The following NPAT variants were observed in gnomAD, a reference collection of about 807,000 sequenced individuals.
NPAT encodes nuclear protein, coactivator of histone transcription, also known as protein NPAT.
A neutral mutation model predicts 130.7 loss-of-function variants in NPAT; 52 were observed. The observed-to-expected ratio is 0.40, with a 90% confidence interval of 0.32 to 0.50. The LOEUF (loss-of-function observed/expected upper bound fraction) is 0.50. Among genes scored for constraint, NPAT ranks in the 20% least tolerant of loss-of-function variants. The probability of loss-of-function intolerance (pLI) is 0.68; values close to 1 mark genes in which losing one functional copy is unlikely to be tolerated. For synonymous variants in NPAT, 580 were observed against 584.8 expected (o/e 0.99, Z 0.12); for missense variants, 1,687 against 1,662.6 (o/e 1.01, Z -0.26).
intron 12 of NPAT, 148 bp from the exon 13 acceptor site, chr11:108,173,999 A>T (rs749882201): frequency 6.8e-6 from 5 of 734,410 alleles, no homozygotes; most frequent in African/African-American, 3.5e-5. Context: ...TTTCCCATTT[A>T]CTGAGTATCA....
intron 1 of NPAT, among the ~76,000 whole-genome samples, chr11:108,203,912 T>C (rs569942330): frequency 3.3e-5 from 5 of 152,346 alleles, no homozygotes; most frequent in African/African-American, 1.2e-4. Flanking sequence ...ATTTGGTCCA[T>C]GTATATTTAA....
chr11:108,175,151 A>G (rs978758892), intron 12 of NPAT, among the ~76,000 whole-genome samples: 3 of 152,224 alleles, frequency 2.0e-5, no homozygotes, highest in Non-Finnish European at 2.9e-5. Flanking sequence ...GGAAGACTAC[A>G]TTCACATAAC....
At chr11:108,199,730 G>A (rs182578525) in intron 1 of NPAT, among the ~76,000 whole-genome samples, 18 of 152,256 alleles carry the variant, frequency 1.2e-4, no homozygotes, top group Admixed American at 3.3e-4. Context: ...CCTTCACAGA[G>A]GTCTAGCCAA....
intron 10 of NPAT, among the ~76,000 whole-genome samples, chr11:108,182,400 T>C (rs1242592743): frequency 2.0e-5 from 3 of 152,224 alleles, no homozygotes; most frequent in Admixed American, 6.5e-5. Context: ...GCCTCAGCTT[T>C]CAGAGGGACT....
In NPAT at chr11:108,158,867, C is replaced by T; in HGVS notation, c.*75G>A. 1 of 855,474 alleles carries T rather than the reference C, an allele frequency of 1.2e-6. No homozygotes were observed. The highest frequency in any genetic ancestry group is 2.0e-6 in the Non-Finnish European group (1 of 502,950). The allele number at this position is 855,474 out of a possible 1,614,324, so 53.0% of individuals were successfully genotyped here. On this transcript the variant is annotated 3_prime_UTR_variant, in exon 18 of 18. Coordinates refer to ENST00000278612, the MANE Select transcript of NPAT (RefSeq NM_002519.3). ...TGCAGGTCATGCTTTCAGATTCTGT[C>T]AATATCCCATTCCCTACACTCAGTT...
chr11:108,160,885 T>C lies in NPAT; in HGVS notation c.4201A>G (p.Ile1401Val). ...NSSIPMKKKK[I>V]KKKKLPSSFP... ...ATTAAAACTTTCAAACTTGCCTTAA[T>C]TTTCTTCTTTTTCATTGGTATTGAT... is the stretch of plus-strand genomic sequence containing the variant. The change falls in exon 17 of 18, where the codon ATT becomes GTT. Residue 1401 changes from isoleucine to valine, a missense_variant. Transcript: ENST00000278612. 2.5e-6 allele frequency: 4 copies of C among 1,612,660 alleles called. No homozygotes were observed. The highest frequency in any genetic ancestry group is 3.4e-6 in the Non-Finnish European group (4 of 1,179,346).
chr11:108,203,149 C>T (rs1469528823), intron 1 of NPAT, among the ~76,000 whole-genome samples: 1 of 152,186 alleles, frequency 6.6e-6, no homozygotes, highest in Non-Finnish European at 1.5e-5. Context: ...AGAAACACCC[C>T]TTCAAAGCTG....
At chr11:108,170,918 A>C (rs1249007631) in intron 13 of NPAT, among the ~76,000 whole-genome samples, 1 of 152,158 alleles carries the variant, frequency 6.6e-6, no homozygotes, top group African/African-American at 2.4e-5. Context: ...TATTTAATGA[A>C]ATTTTATTGT....
At position 108,189,165 on chromosome 11, in the gene NPAT, T is replaced by A; in HGVS notation, c.497A>T (p.Asp166Val). 1 of 1,614,174 alleles carries A rather than the reference T, an allele frequency of 6.2e-7. No homozygotes were observed. Among genetic ancestry groups the A allele is most frequent in the African/African-American group, 1.3e-5 (1 of 75,050 alleles). Residue 166 changes from aspartate to valine, a missense_variant, in exon 6 of 18, where the codon GAT becomes GTT. Asp to Val is a radical substitution (Grantham distance 152). Transcript: ENST00000278612. ...QVTRPSGQIS[D>V]PSRSYFVVVN... ...CACTACAAAATATGACCTCGATGGA[T>A]CTGAAATTTGGCCACTTGGTCGAGT...
At chr11:108,186,387 AT>A in intron 8 of NPAT, 94 bp downstream of exon 8, 1 of 890,620 alleles carries the variant, frequency 1.1e-6, no homozygotes. Flanking sequence ...CTGTTTCTTT[AT>A]TTGATACATA....
At chr11:108,179,852 C>A (rs1266851936) in intron 10 of NPAT, among the ~76,000 whole-genome samples, 1 of 151,994 alleles carries the variant, frequency 6.6e-6, no homozygotes, top group Non-Finnish European at 1.5e-5. Flanking sequence ...TGAGGTTAAA[C>A]AGCCCATGAT....
At chr11:108,197,194 C>A (rs2036810393) in intron 2 of NPAT, 108 bp downstream of exon 2, 1 of 836,394 alleles carries the variant, frequency 1.2e-6, no homozygotes, top group Non-Finnish European at 2.1e-6. Context: ...TATAAACCAC[C>A]AAATTTCTGC....
In NPAT at chr11:108,158,574, G is replaced by C; in HGVS notation, c.*368C>G. The C allele has an allele frequency of 5.8e-6, 1 of 171,282 alleles. No homozygotes were observed. The highest frequency in any genetic ancestry group is 1.3e-5 in the Non-Finnish European group (1 of 79,764). 10.6% of individuals were successfully genotyped at this position (171,282 alleles called of 1,614,324 possible). A position where few individuals can be genotyped will look rare whatever the true frequency, so the allele number is the denominator to read the frequency against. ...ACAAGTGAGAAACTATTCCAGATGA[G>C]TAAGTCTCAGAATTAGGGATCATAA... On this transcript the variant is annotated 3_prime_UTR_variant, in exon 18 of 18. Transcript: ENST00000278612.
intron 2 of NPAT, among the ~76,000 whole-genome samples, chr11:108,195,333 C>T (rs192356158): frequency 6.6e-6 from 1 of 152,312 alleles, no homozygotes; most frequent in South Asian, 2.1e-4. Flanking sequence ...GTTCCTGCTG[C>T]TCTGCATATT....
chr11:108,218,033 T>G (rs2078449963), intron 1 of NPAT, among the ~76,000 whole-genome samples: 1 of 152,186 alleles, frequency 6.6e-6, no homozygotes, highest in Admixed American at 6.5e-5. Context: ...AACTAGGCAC[T>G]AATCATCTCT....
At chr11:108,208,149 C>T (rs575574600) in intron 1 of NPAT, among the ~76,000 whole-genome samples, 8 of 152,160 alleles carry the variant, frequency 5.3e-5, no homozygotes, top group Admixed American at 2.0e-4. Context: ...ATCTGAAATG[C>T]TCCAATGAAC....
intron 1 of NPAT, among the ~76,000 whole-genome samples, chr11:108,218,087 A>G (rs1274902854): frequency 6.6e-6 from 1 of 152,236 alleles, no homozygotes; most frequent in African/African-American, 2.4e-5. Context: ...AATATTAGTT[A>G]TTACTGTTTT....
At position 108,173,750 on chromosome 11, in the gene NPAT, C is replaced by T. The variant is rs758724995; in HGVS notation, c.1234G>A (p.Asp412Asn). 1 of 1,614,062 alleles carries T rather than the reference C, an allele frequency of 6.2e-7. No individual in the cohort carries two copies. Among genetic ancestry groups the T allele is most frequent in the South Asian group, 1.1e-5 (1 of 91,066 alleles). ...CTTATTTGGGAAAAATTTTCCTGGT[C>T]TTCTTGTCTAAGCACATCATGGTTG... ...SNNHDVLRQE[D>N]QENFSQISTS... The change falls in exon 13 of 18, where the codon GAC (aspartate) becomes AAC (asparagine). Residue 412 changes from aspartate to asparagine, a missense_variant. Coordinates refer to ENST00000278612, the MANE Select transcript of NPAT (RefSeq NM_002519.3).
Position 108,158,759 on chromosome 11 carries a change from C to T in NPAT, c.*183G>A. On this transcript the variant is annotated 3_prime_UTR_variant, in exon 18 of 18. Coordinates refer to ENST00000278612, the MANE Select transcript of NPAT (RefSeq NM_002519.3). ...CGTTTTTCCCAAAATAAAAATATAC[C>T]AAGTAAGTCTATTTACAAACTAGGA... 9.4e-6 allele frequency: 5 copies of T among 531,264 alleles called. No homozygotes were observed. Among genetic ancestry groups the T allele is most frequent in the East Asian group, 3.3e-5 (1 of 30,586 alleles). The allele number at this position is 531,264 out of a possible 1,614,324, so 32.9% of individuals were successfully genotyped here. A position where few individuals can be genotyped will look rare whatever the true frequency, so the allele number is the denominator to read the frequency against.
Sources: allele counts gnomAD v4.1 joint callset (sites outside exome capture counted in the v4.1 genomes callset), GRCh38; gene constraint gnomAD v4.1.1; transcripts MANE v1.5; gene names NCBI Gene and HGNC (gene_info 2026-07-23, HGNC 2026-07-21).